HHAT: variants seen among roughly 807,000 people sequenced by gnomAD.
The protein encoded by HHAT is hedgehog acyltransferase.
HHAT carries 47 observed loss-of-function variants against 70.8 expected under a neutral mutation model. That is an observed-to-expected ratio of 0.66 (90% CI 0.53 to 0.85). The LOEUF (loss-of-function observed/expected upper bound fraction) is 0.85, where lower values mean the gene tolerates loss of function less well. Among genes scored for constraint, HHAT ranks in the 40% least tolerant of loss-of-function variants. The pLI is 0.00. For synonymous variants in HHAT, 228 were observed against 247.6 expected, an observed-to-expected ratio of 0.92 and a Z score of 0.74; for missense variants, 609 against 604.8, an observed-to-expected ratio of 1.01 and a Z score of -0.07.
At chr1:210,609,537 C>T (rs1225190739) in intron 10 of HHAT, among the ~76,000 whole-genome samples, 2 of 152,004 alleles carry the variant, frequency 1.3e-5, no homozygotes, top group Non-Finnish European at 2.9e-5. Context: ...TTTAGGGGTA[C>T]ATGTGCAGGA....
intron 2 of HHAT, among the ~76,000 whole-genome samples, chr1:210,350,899 C>T (rs2086960055): frequency 6.6e-6 from 1 of 152,112 alleles, no homozygotes; most frequent in Admixed American, 6.5e-5. Context: ...TTTATGGATG[C>T]TTTTTATCTA....
At chr1:210,664,581 C>T (rs1678487055) in intron 11 of HHAT, among the ~76,000 whole-genome samples, 1 of 152,174 alleles carries the variant, frequency 6.6e-6, no homozygotes, top group Non-Finnish European at 1.5e-5. Context: ...AGCACTCATC[C>T]TCCAGTGGCC....
chr1:210,445,172 T>G (rs934696428), intron 7 of HHAT, among the ~76,000 whole-genome samples: 5 of 152,194 alleles, frequency 3.3e-5, no homozygotes, highest in African/African-American at 1.2e-4. Context: ...TGGTCACTTG[T>G]TGACTAGTGA....
At chr1:210,552,772 G>C (rs1011573863) in intron 9 of HHAT, among the ~76,000 whole-genome samples, 1 of 152,220 alleles carries the variant, frequency 6.6e-6, no homozygotes, top group East Asian at 1.9e-4. Flanking sequence ...TGCCAGGAGA[G>C]CAAATGGGGC....
At chr1:210,595,170 GT>G (rs1662672218) in intron 10 of HHAT, among the ~76,000 whole-genome samples, 1 of 151,946 alleles carries the variant, frequency 6.6e-6, no homozygotes, top group Non-Finnish European at 1.5e-5. Flanking sequence ...CTGTGTCCAA[GT>G]GTTCTCATTG....
At chr1:210,489,990 C>G (rs7354945) in intron 8 of HHAT, among the ~76,000 whole-genome samples, 11,820 of 152,156 alleles carry the variant, frequency 0.078, 1,241 homozygotes, top group East Asian at 0.34. Flanking sequence ...CATAGAGCAG[C>G]TATTAACTGC....
chr1:210,410,346 A>G (rs951496264), intron 6 of HHAT, among the ~76,000 whole-genome samples: 1 of 151,442 alleles, frequency 6.6e-6, no homozygotes, highest in Non-Finnish European at 1.5e-5. Flanking sequence ...GTGAGCCACC[A>G]TGCCTGGCCG....
At chr1:210,431,009 T>G (rs991468391) in intron 7 of HHAT, among the ~76,000 whole-genome samples, 1 of 151,954 alleles carries the variant, frequency 6.6e-6, no homozygotes, top group Non-Finnish European at 1.5e-5. Flanking sequence ...TTATCCATTT[T>G]ACTTCTGTCA....
At chr1:210,558,442 G>C (rs1208255479) in intron 9 of HHAT, among the ~76,000 whole-genome samples, 4 of 152,216 alleles carry the variant, frequency 2.6e-5, no homozygotes, top group African/African-American at 9.7e-5. Context: ...TTGTCCCTAA[G>C]AGCAGATGCT....
intron 11 of HHAT, among the ~76,000 whole-genome samples, chr1:210,673,769 AT>A (rs371954192): frequency 0.026 from 539 of 20,600 alleles, 7 homozygotes; most frequent in African/African-American, 0.2. Context: ...TTTATTATTT[AT>A]TTATTTATTT....
At chr1:210,357,938 CT>C (rs1163233101) in intron 2 of HHAT, among the ~76,000 whole-genome samples, 2 of 152,092 alleles carry the variant, frequency 1.3e-5, no homozygotes, top group African/African-American at 4.8e-5. Context: ...GTTAATGTGC[CT>C]TTTGTTATAG....
chr1:210,442,351 T>C (rs1232111669), intron 7 of HHAT, among the ~76,000 whole-genome samples: 1 of 140,394 alleles, frequency 7.1e-6, no homozygotes, highest in Non-Finnish European at 1.5e-5. Flanking sequence ...TTTATAGTCC[T>C]TTGGGTATAT....
At chr1:210,429,688 G>A (rs1041848611) in intron 7 of HHAT, among the ~76,000 whole-genome samples, 2 of 151,628 alleles carry the variant, frequency 1.3e-5, no homozygotes, top group Admixed American at 6.6e-5. Context: ...CCCCCTGTTT[G>A]CATTGCTAAG....
chr1:210,658,198 G>T (rs957124853), intron 11 of HHAT, among the ~76,000 whole-genome samples: 5 of 152,244 alleles, frequency 3.3e-5, no homozygotes, highest in Admixed American at 3.3e-4. Flanking sequence ...CCCACATGCT[G>T]TCCTGCCCCT....
intron 2 of HHAT, among the ~76,000 whole-genome samples, chr1:210,356,094 A>AT (rs11449276): frequency 0.25 from 35,610 of 139,904 alleles, 4,759 homozygotes; most frequent in Non-Finnish European, 0.31. Flanking sequence ...TTGCTTGGCT[A>AT]TTTTTTTTTT....
intron 10 of HHAT, among the ~76,000 whole-genome samples, chr1:210,611,818 G>C (rs192310841): frequency 6.6e-6 from 1 of 152,096 alleles, no homozygotes; most frequent in Non-Finnish European, 1.5e-5. Flanking sequence ...TTATTGATTT[G>C]CGTATGTGGA....
rs181412839 is a variant in HHAT, at chr1:210,533,743, G to A, written c.1043+20555G>A. Among the ~76,000 whole-genome samples the A allele has an allele frequency of 2.7e-3, 415 of 152,288 alleles. 7 individuals are homozygous for A. Among genetic ancestry groups the A allele is most frequent in the Non-Finnish European group, 6.0e-4 (41 of 68,024 alleles). ...AAATGGGTTCTGTAGTCCTGCCAAG[G>A]AAGCTACTGGTTAAACTGAGATTTA... is the stretch of plus-strand genomic sequence containing the variant. On this transcript the variant is annotated intron_variant, in intron 9 of 11. Transcript: ENST00000261458.
chr1:210,535,431 TTGTGTGTGTGTGTGTG>T (rs144319730), intron 9 of HHAT, among the ~76,000 whole-genome samples: 2 of 149,764 alleles, frequency 1.3e-5, no homozygotes, highest in African/African-American at 4.9e-5. Flanking sequence ...CATTGTGTGT[TTGTGTGTGTGTGTGTG>T]TGTGTGTGGG....
At chr1:210,595,903 T>C (rs1451779494) in intron 10 of HHAT, among the ~76,000 whole-genome samples, 1 of 152,210 alleles carries the variant, frequency 6.6e-6, no homozygotes, top group Non-Finnish European at 1.5e-5. Context: ...AAAAATTTTC[T>C]CCCATTCTGT....
Sources: allele counts gnomAD v4.1 joint callset (sites outside exome capture counted in the v4.1 genomes callset), GRCh38; gene constraint gnomAD v4.1.1; transcripts MANE v1.5; gene names NCBI Gene and HGNC (gene_info 2026-07-23, HGNC 2026-07-21).